Variants in TRMT44 observed in about 807,000 individuals in gnomAD.
The protein encoded by TRMT44 is tRNA methyltransferase 44 homolog, also known as probable tRNA (uracil-O(2)-)-methyltransferase.
TRMT44 carries 78 observed loss-of-function variants against 77.3 expected under a neutral mutation model. That is an observed-to-expected ratio of 1.01 (90% CI 0.84 to 1.22). The LOEUF (loss-of-function observed/expected upper bound fraction) is 1.22, where lower values mean the gene tolerates loss of function less well. TRMT44 is among the 50% of genes most tolerant of loss of function. TRMT44 has a pLI of 0.00. For missense variants in TRMT44, 1,090 were observed against 964.4 expected, an observed-to-expected ratio of 1.13 and a Z score of -1.73; for synonymous variants, 391 against 383.3, an observed-to-expected ratio of 1.02 and a Z score of -0.23.
the TRMT44 span, among the ~76,000 whole-genome samples, chr4:8,504,635 C>A: frequency 6.6e-6 from 1 of 152,144 alleles, no homozygotes; most frequent in Non-Finnish European, 1.5e-5. This position sits in a 1 kb window ranked among gnomAD's most constrained non-coding sequence, Gnocchi z 5.3. Context: ...CTCTTCCACC[C>A]GGGAGGAAGT....
chr4:8,498,431 G>A (rs1397007538), downstream of TRMT44, among the ~76,000 whole-genome samples: 1 of 152,194 alleles, frequency 6.6e-6, no homozygotes, highest in Non-Finnish European at 1.5e-5. This position sits in a 1 kb window ranked among gnomAD's most constrained non-coding sequence, Gnocchi z 4.3. Flanking sequence ...TGTCTAGGGA[G>A]CATGATGCTG....
At chr4:8,453,569 C>T (rs1163524397) in intron 5 of TRMT44, 1 of 152,372 alleles carries the variant, frequency 6.6e-6, no homozygotes, top group East Asian at 1.9e-4. Context: ...GTGTGTGGTA[C>T]TGGGTTTTGC....
chr4:8,443,750 A>G (rs1724892434), intron 1 of TRMT44, among the ~76,000 whole-genome samples: 2 of 152,062 alleles, frequency 1.3e-5, no homozygotes, highest in African/African-American at 2.4e-5. Flanking sequence ...GAGTAATGTG[A>G]CTGTTCGAGA....
In TRMT44 at chr4:8,463,015, CAG is replaced by C. The variant is rs369504927; in HGVS notation, c.1204-962_1204-961del. Among the ~76,000 whole-genome samples the C allele has an allele frequency of 3.7e-3, 564 of 152,266 alleles. 4 individuals are homozygous for C. The highest frequency in any genetic ancestry group is 0.017 in the Middle Eastern group (5 of 294). On this transcript the variant is annotated intron_variant, in intron 6 of 10. Coordinates refer to ENST00000389737, the MANE Select transcript of TRMT44 (RefSeq NM_152544.3). Reference sequence around the variant, plus strand: ...GAAGCACATATGCTTATTGAAGAACCAGAGAGAGACAGAATTTCAGTTTTAGT... The same window carrying C: ...GAAGCACATATGCTTATTGAAGAACCAGAGAGACAGAATTTCAGTTTTAGT...
At chr4:8,498,327 T>C (rs1728209501), downstream of TRMT44, among the ~76,000 whole-genome samples, 1 of 152,204 alleles carries the variant, frequency 6.6e-6, no homozygotes, top group Non-Finnish European at 1.5e-5. This position sits in a 1 kb window ranked among gnomAD's most constrained non-coding sequence, Gnocchi z 4.3. Flanking sequence ...GGTGTTCTCC[T>C]GTATTCGTCT....
chr4:8,449,643 T>A (rs1480531800), intron 2 of TRMT44, 26 bp from the exon 3 acceptor site: 2 of 1,457,734 alleles, frequency 1.4e-6, no homozygotes, highest in Non-Finnish European at 1.9e-6. Flanking sequence ...TATCTGTGCT[T>A]ATTCATATTT....
chr4:8,449,943 T>TCTTTTC, intron 3 of TRMT44, 55 bp downstream of exon 3: 1 of 700,336 alleles, frequency 1.4e-6, no homozygotes. Context: ...TCTTTTCTTT[T>TCTTTTC]CTTTTCTTTT....
At chr4:8,511,309 G>C in the TRMT44 span, among the ~76,000 whole-genome samples, 1 of 152,220 alleles carries the variant, frequency 6.6e-6, no homozygotes, top group African/African-American at 2.4e-5. Context: ...CCTGGGGGTT[G>C]GTTGTGGAGG....
At position 8,449,815 on chromosome 4, in the gene TRMT44, T is replaced by G; in HGVS notation, c.881T>G (p.Leu294Arg). ...AAGAAGAGTGACTTTAAAAGCACCC[T>G]TTCCCTCATCTCCATTATGAAGTAT... ...ENKKSDFKST[L>R]SLISIMKYSK... Residue 294 changes from leucine to arginine, a missense_variant, in exon 3 of 11, where the codon CTT becomes CGT. Leu to Arg is a moderately radical substitution (Grantham distance 102). Transcript: ENST00000389737. 8 of 1,536,038 alleles carry G rather than the reference T, an allele frequency of 5.2e-6. No individual in the cohort carries two copies. The highest frequency in any genetic ancestry group is 4.4e-6 in the Non-Finnish European group (5 of 1,146,856).
chr4:8,446,131 C>T lies in TRMT44; in HGVS notation c.620-345C>T, dbSNP rs1486035320. Among the ~76,000 whole-genome samples the T allele has an allele frequency of 6.6e-6, 1 of 152,174 alleles. No individual in the cohort carries two copies. The highest frequency in any genetic ancestry group is 2.4e-5 in the African/African-American group (1 of 41,426). On this transcript the variant is annotated intron_variant, in intron 1 of 10. Transcript: ENST00000389737. The surrounding 1 kb of genome is among the most constrained non-coding windows in gnomAD (Gnocchi z 4.3). ...CTTGCTCACACTCGAAGATCATGGT[C>T]AGGCTGTGGCAGACACTCAGTTAGG...
chr4:8,497,922 TG>T (rs916183134), downstream of TRMT44, among the ~76,000 whole-genome samples: 10 of 151,654 alleles, frequency 6.6e-5, no homozygotes, highest in East Asian at 1.9e-4. Flanking sequence ...GGGGCTGGCG[TG>T]GGGGGGGCTG....
At chr4:8,442,005 TCAAA>T (rs1724751058) in intron 1 of TRMT44, among the ~76,000 whole-genome samples, 2 of 152,224 alleles carry the variant, frequency 1.3e-5, no homozygotes, top group South Asian at 4.1e-4. Context: ...TCCTTTGTGC[TCAAA>T]CAGCGTTATC....
At chr4:8,514,519 C>T in the TRMT44 span, among the ~76,000 whole-genome samples, 7 of 152,078 alleles carry the variant, frequency 4.6e-5, no homozygotes, top group East Asian at 3.9e-4. Context: ...TCAGGTGATC[C>T]GCCCGCCTCA....
At chr4:8,464,914 C>T (rs1321418956) in intron 7 of TRMT44, among the ~76,000 whole-genome samples, 1 of 152,134 alleles carries the variant, frequency 6.6e-6, no homozygotes, top group Non-Finnish European at 1.5e-5. Flanking sequence ...TCCTTTGCAG[C>T]AACATGGGGT....
intron 9 of TRMT44, among the ~76,000 whole-genome samples, chr4:8,470,145 ATG>A (rs1726884166): frequency 6.6e-6 from 1 of 152,214 alleles, no homozygotes; most frequent in African/African-American, 2.4e-5. Context: ...CTGGGACAAT[ATG>A]TGATCTTTTT....
downstream of TRMT44, among the ~76,000 whole-genome samples, chr4:8,481,068 G>T (rs1015349680): frequency 6.6e-6 from 1 of 152,202 alleles, no homozygotes; most frequent in Non-Finnish European, 1.5e-5. Flanking sequence ...ATAGGAAACA[G>T]TTGTCATCTA....
the TRMT44 span, among the ~76,000 whole-genome samples, chr4:8,499,931 A>G: frequency 6.6e-6 from 1 of 151,298 alleles, no homozygotes; most frequent in Non-Finnish European, 1.5e-5. Flanking sequence ...GCCAAAATAG[A>G]GAGAGAGCTC....
chr4:8,461,542 G>A lies in TRMT44; in HGVS notation c.1204-2443G>A, dbSNP rs932676828. On this transcript the variant is annotated intron_variant, in intron 6 of 10. Coordinates refer to ENST00000389737, the MANE Select transcript of TRMT44 (RefSeq NM_152544.3). This position sits in a 1 kb window ranked among gnomAD's most constrained non-coding sequence, Gnocchi z 4.6. Reference sequence around the variant, plus strand: ...TGAGGGTGCCCCTTGGAGAACGGGCGGAGGCTCTAGTTCTTTAGCTGAGGT... The same window carrying A: ...TGAGGGTGCCCCTTGGAGAACGGGCAGAGGCTCTAGTTCTTTAGCTGAGGT... Among the ~76,000 whole-genome samples, 5 of 152,136 alleles carry A rather than the reference G, an allele frequency of 3.3e-5. No individual in the cohort carries two copies. Among genetic ancestry groups the A allele is most frequent in the African/African-American group, 4.8e-5 (2 of 41,430 alleles).
At chr4:8,516,801 A>G in the TRMT44 span, among the ~76,000 whole-genome samples, 2 of 152,164 alleles carry the variant, frequency 1.3e-5, no homozygotes, top group African/African-American at 2.4e-5. Context: ...CAAAACAACA[A>G]AAACAACACC....
Sources: allele counts gnomAD v4.1 joint callset (sites outside exome capture counted in the v4.1 genomes callset), GRCh38; gene constraint gnomAD v4.1.1; non-coding constraint Gnocchi (gnomAD v3.1); transcripts MANE v1.5; gene names NCBI Gene and HGNC (gene_info 2026-07-23, HGNC 2026-07-21).